MCTP1: variants seen among roughly 807,000 people sequenced by gnomAD.
MCTP1 encodes multiple C2 and transmembrane domain-containing protein 1.
Under a neutral mutation model 120.6 loss-of-function variants are expected in MCTP1, and 69 were observed. The observed-to-expected ratio is 0.57, with a 90% confidence interval of 0.47 to 0.70. The LOEUF (loss-of-function observed/expected upper bound fraction) is 0.70, where lower values mean the gene tolerates loss of function less well. Ranked by LOEUF, MCTP1 falls within the 30% of genes least tolerant of loss-of-function variation. The probability of loss-of-function intolerance (pLI) is 0.00; values close to 1 mark genes in which losing one functional copy is unlikely to be tolerated. For missense variants in MCTP1, 1,203 were observed against 1,248.8 expected (o/e 0.96, Z 0.55); for synonymous variants, 529 against 493.1 (o/e 1.07, Z -0.96).
At chr5:94,952,359 G>A (rs1332858473) in intron 3 of MCTP1, among the ~76,000 whole-genome samples, 1 of 151,956 alleles carries the variant, frequency 6.6e-6, no homozygotes, top group Non-Finnish European at 1.5e-5. Flanking sequence ...TGTAATTTCA[G>A]TAACAACTTG....
intron 1 of MCTP1, among the ~76,000 whole-genome samples, chr5:95,159,058 C>T (rs967727993): frequency 6.6e-6 from 1 of 152,112 alleles, no homozygotes; most frequent in African/African-American, 2.4e-5. Context: ...TGACTTTAGG[C>T]AATCATACCA....
chr5:94,801,362 A>G (rs1375258545), intron 17 of MCTP1, among the ~76,000 whole-genome samples: 1 of 152,234 alleles, frequency 6.6e-6, no homozygotes, highest in East Asian at 1.9e-4. Context: ...TAGATCTACT[A>G]TATAAAACCA....
At chr5:95,144,120 A>G (rs1334362209) in intron 1 of MCTP1, among the ~76,000 whole-genome samples, 1 of 152,176 alleles carries the variant, frequency 6.6e-6, no homozygotes, top group Non-Finnish European at 1.5e-5. Flanking sequence ...GTGAGTTGGT[A>G]TCTCACTGTG....
Position 95,017,437 on chromosome 5 carries a change from A to G in MCTP1, c.768T>C (p.Ala256=), listed in dbSNP as rs776138057. 39 of 1,610,478 alleles carry G rather than the reference A, an allele frequency of 2.4e-5. No homozygotes were observed. Among genetic ancestry groups the G allele is most frequent in the Non-Finnish European group, 3.1e-5 (36 of 1,177,798 alleles). ...TGTCCAGCTGGTACATTCCGGGATCAGCCAAGGGGACTTCTGCATTACTGG... is the reference window on the plus strand; with the variant it reads ...TGTCCAGCTGGTACATTCCGGGATCGGCCAAGGGGACTTCTGCATTACTGG... The part of the protein sequence containing the change: ...AGTSNAEVPL[A]DPGMYQLDIT... Residue 256 remains alanine (A), a synonymous_variant, in exon 2 of 23, where the codon GCT becomes GCC. Transcript: ENST00000515393.
At chr5:94,729,678 C>T (rs1388288205) in intron 19 of MCTP1, among the ~76,000 whole-genome samples, 3 of 152,094 alleles carry the variant, frequency 2.0e-5, no homozygotes, top group Admixed American at 6.6e-5. Flanking sequence ...GAGAAGTGCA[C>T]GTAGTACAAA....
chr5:95,261,740 A>G (rs1758487718), intron 1 of MCTP1, among the ~76,000 whole-genome samples: 1 of 152,238 alleles, frequency 6.6e-6, no homozygotes, highest in Non-Finnish European at 1.5e-5. Context: ...AATGATGTCA[A>G]TCAGACGGAG....
rs939761375 is a variant in MCTP1 at position 95,235,236 on chromosome 5, C to G, written c.720+48620G>C. Among the ~76,000 whole-genome samples the G allele has an allele frequency of 2.6e-5, 4 of 151,792 alleles. No homozygotes were observed. The East Asian group carries it at 7.7e-4, about 29-fold the overall frequency. ...ATCCACATAATAATTTCAATAGATG[C>G]AGAAAAAGCACTTGACAAAAAATCA... is the stretch of plus-strand genomic sequence containing the variant. On this transcript the variant is annotated intron_variant, in intron 1 of 22. Coordinates refer to ENST00000515393, the MANE Select transcript of MCTP1 (RefSeq NM_024717.7).
intron 1 of MCTP1, among the ~76,000 whole-genome samples, chr5:95,199,331 A>G (rs1167293298): frequency 6.6e-6 from 1 of 152,226 alleles, no homozygotes; most frequent in Non-Finnish European, 1.5e-5. Flanking sequence ...CAACATCCCC[A>G]GAATACATAT....
chr5:94,785,922 A>G (rs544937009), intron 18 of MCTP1, among the ~76,000 whole-genome samples: 13 of 152,294 alleles, frequency 8.5e-5, no homozygotes, highest in Non-Finnish European at 1.8e-4. Context: ...GTTATTTTTC[A>G]GGTAAATGCA....
chr5:94,894,552 G>C, intron 11 of MCTP1, 97 bp downstream of exon 11: 1 of 895,238 alleles, frequency 1.1e-6, no homozygotes, highest in Non-Finnish European at 1.6e-6. Context: ...TCTTCCACCA[G>C]ACAACTTCTC....
At chr5:95,263,763 A>G (rs1758664752) in intron 1 of MCTP1, among the ~76,000 whole-genome samples, 1 of 152,208 alleles carries the variant, frequency 6.6e-6, no homozygotes, top group South Asian at 2.1e-4. Context: ...TAACAGCACC[A>G]TCAGGTTGGT....
At chr5:95,063,632 A>G (rs556507807) in intron 1 of MCTP1, among the ~76,000 whole-genome samples, 4 of 152,210 alleles carry the variant, frequency 2.6e-5, no homozygotes, top group African/African-American at 4.8e-5. Context: ...GTCTTATTCT[A>G]TCATCTAGGC....
In MCTP1 at chr5:95,284,361, C is replaced by G. The variant is rs1255661991; in HGVS notation, c.215G>C (p.Ser72Thr). The change falls in exon 1 of 23, where the codon AGT (serine) becomes ACT (threonine). Residue 72 changes from serine (S) to threonine (T), a missense_variant. This residue lies in a region of MCTP1 where 463 missense variants were observed against 377.8 expected (regional missense o/e 1.23). Coordinates refer to ENST00000515393, the MANE Select transcript of MCTP1 (RefSeq NM_024717.7). This position sits in a 1 kb window ranked among gnomAD's most constrained non-coding sequence, Gnocchi z 5.2. The stretch of plus-strand genomic sequence containing the variant: ...GCCGCTCCACCTGCTGCCTGCACCA[C>G]TCCCCCTGGCCGGTGCATTCCCTGT... ...VGTGNAPARG[S>T]GAGSRWSGFK... is the part of the protein sequence containing the mutation. 2 of 1,596,440 alleles carry G rather than the reference C, an allele frequency of 1.3e-6. No homozygotes were observed. The highest frequency in any genetic ancestry group is 1.7e-5 in the Admixed American group (1 of 59,942).
At chr5:95,094,446 T>C (rs955047218) in intron 1 of MCTP1, among the ~76,000 whole-genome samples, 1 of 152,240 alleles carries the variant, frequency 6.6e-6, no homozygotes, top group Admixed American at 6.5e-5. Context: ...TATAATGGAA[T>C]CTTGACTCAT....
chr5:94,970,231 A>C (rs1360044000), intron 2 of MCTP1, among the ~76,000 whole-genome samples: 2 of 152,000 alleles, frequency 1.3e-5, no homozygotes, highest in African/African-American at 4.8e-5. Flanking sequence ...AGAGTTGAAG[A>C]CATGCAAGAC....
chr5:94,889,018 G>T, intron 11 of MCTP1, 46 bp from the exon 12 acceptor site: 1 of 1,237,778 alleles, frequency 8.1e-7, no homozygotes, highest in Non-Finnish European at 1.2e-6. Context: ...GTCCCAAGGA[G>T]TCTTAAAGAG....
chr5:95,154,676 T>C (rs2152463571), intron 1 of MCTP1, among the ~76,000 whole-genome samples: 2 of 152,272 alleles, frequency 1.3e-5, no homozygotes, highest in Middle Eastern at 6.8e-3. Flanking sequence ...TGTGTGAAGA[T>C]TGCCTAAAAT....
intron 1 of MCTP1, among the ~76,000 whole-genome samples, chr5:95,237,483 C>T (rs1755681657): frequency 6.6e-6 from 1 of 152,146 alleles, no homozygotes; most frequent in East Asian, 1.9e-4. Flanking sequence ...CTAGGCACGA[C>T]TGAGATAGGA....
At chr5:94,996,968 T>C (rs968433155) in intron 2 of MCTP1, among the ~76,000 whole-genome samples, 4 of 152,284 alleles carry the variant, frequency 2.6e-5, no homozygotes, top group South Asian at 2.1e-4. Flanking sequence ...CTTGTCAACA[T>C]TGTATCCCTG....
Sources: gnomAD v4.1 joint callset for allele counts (sites outside exome capture counted in the v4.1 genomes callset) on GRCh38, gnomAD v4.1.1 for gene constraint, gnomAD v4.1.1 regional missense constraint, Gnocchi (gnomAD v3.1) non-coding constraint, MANE v1.5 for transcripts, NCBI Gene and HGNC (gene_info 2026-07-23, HGNC 2026-07-21) for gene names.